The following SYNPR variants were observed in gnomAD, a reference collection of about 807,000 sequenced individuals.
SYNPR encodes synaptoporin.
Under a neutral mutation model 32.9 loss-of-function variants are expected in SYNPR, and 23 were observed. The observed-to-expected ratio is 0.70, with a 90% CI of 0.50 to 0.99. The LOEUF (loss-of-function observed/expected upper bound fraction) is 0.99. Ranked by LOEUF, SYNPR falls within the 50% of genes least tolerant of loss-of-function variation. The pLI is 0.00. For synonymous variants in SYNPR, 146 were observed against 135.9 expected, an observed-to-expected ratio of 1.07 and a Z score of -0.52; for missense variants, 318 against 349.3, an observed-to-expected ratio of 0.91 and a Z score of 0.71.
intron 4 of SYNPR, among the ~76,000 whole-genome samples, chr3:63,588,819 C>G (rs543028432): frequency 6.6e-6 from 1 of 152,198 alleles, no homozygotes; most frequent in East Asian, 1.9e-4. Context: ...ATTGTGTGAA[C>G]TGATCCACCC....
At chr3:63,546,476 G>T (rs1378761307) in intron 3 of SYNPR, among the ~76,000 whole-genome samples, 1 of 152,028 alleles carries the variant, frequency 6.6e-6, no homozygotes, top group Non-Finnish European at 1.5e-5. Context: ...ACATGGAAAT[G>T]GGAGCTACAT....
chr3:63,266,149 AGG>A (rs1170640832), intron 2 of SYNPR, among the ~76,000 whole-genome samples: 1 of 152,248 alleles, frequency 6.6e-6, no homozygotes, highest in Non-Finnish European at 1.5e-5. Context: ...CTGATGTGAA[AGG>A]GAAACAAACC....
intron 2 of SYNPR, among the ~76,000 whole-genome samples, chr3:63,344,562 T>C (rs1161815724): frequency 2.0e-5 from 3 of 150,458 alleles, no homozygotes; most frequent in African/African-American, 7.3e-5. Flanking sequence ...TTTTTTTTTT[T>C]TTTTTTTTTA....
chr3:63,588,727 TC>T (rs1277674810), intron 4 of SYNPR, among the ~76,000 whole-genome samples: 1 of 152,108 alleles, frequency 6.6e-6, no homozygotes. Flanking sequence ...TCAACAACCC[TC>T]GTTGCTTTCC....
intron 3 of SYNPR, among the ~76,000 whole-genome samples, chr3:63,517,292 C>A (rs58819808): frequency 1.3e-5 from 2 of 152,006 alleles, no homozygotes; most frequent in Admixed American, 1.3e-4. Context: ...GATACTAATG[C>A]TTGAGATTCA....
At chr3:63,263,142 C>T (rs1311890309) in intron 2 of SYNPR, among the ~76,000 whole-genome samples, 1 of 152,162 alleles carries the variant, frequency 6.6e-6, no homozygotes, top group Non-Finnish European at 1.5e-5. Flanking sequence ...GCCAAATATG[C>T]AGTCCTTTTT....
At chr3:63,596,028 G>T (rs1699954597) in intron 4 of SYNPR, among the ~76,000 whole-genome samples, 1 of 140,374 alleles carries the variant, frequency 7.1e-6, no homozygotes, top group East Asian at 2.1e-4. Context: ...AAGTTATAGG[G>T]TACATGTGCA....
At chr3:63,307,057 A>G (rs2086916574) in intron 2 of SYNPR, among the ~76,000 whole-genome samples, 1 of 152,070 alleles carries the variant, frequency 6.6e-6, no homozygotes, top group Non-Finnish European at 1.5e-5. Context: ...AGTTTTCTCA[A>G]TATACTCATG....
At chr3:63,328,327 G>C (rs1287239108) in intron 2 of SYNPR, among the ~76,000 whole-genome samples, 1 of 152,144 alleles carries the variant, frequency 6.6e-6, no homozygotes, top group African/African-American at 2.4e-5. Context: ...TATTCAGGCT[G>C]CACATTTCCC....
At chr3:63,425,940 G>T (rs988560597) in intron 2 of SYNPR, among the ~76,000 whole-genome samples, 7 of 151,804 alleles carry the variant, frequency 4.6e-5, no homozygotes, top group Admixed American at 3.9e-4. Flanking sequence ...GCGCCACCAC[G>T]CCCAGCTAAT....
At chr3:63,399,288 G>T (rs1211685449) in intron 2 of SYNPR, among the ~76,000 whole-genome samples, 1 of 152,204 alleles carries the variant, frequency 6.6e-6, no homozygotes, top group Non-Finnish European at 1.5e-5. Context: ...TGAGTAGCTT[G>T]TAGACAGAGA....
chr3:63,438,800 A>G (rs1165523666), intron 2 of SYNPR, among the ~76,000 whole-genome samples: 1 of 152,244 alleles, frequency 6.6e-6, no homozygotes, highest in Non-Finnish European at 1.5e-5. Flanking sequence ...AAGTGCTCTC[A>G]CTGCTATAGC....
chr3:63,271,692 A>G (rs2086536403), intron 3 of SYNPR, among the ~76,000 whole-genome samples: 2 of 152,110 alleles, frequency 1.3e-5, no homozygotes, highest in African/African-American at 4.8e-5. Flanking sequence ...TCATTTTAAG[A>G]AAAGCATAAA....
chr3:63,425,297 T>C (rs1167570505), intron 2 of SYNPR, among the ~76,000 whole-genome samples: 4 of 152,192 alleles, frequency 2.6e-5, no homozygotes, highest in Admixed American at 2.6e-4. Flanking sequence ...AGCTGATTGG[T>C]GGTATACAGT....
At chr3:63,318,220 T>G (rs368373315) in intron 2 of SYNPR, among the ~76,000 whole-genome samples, 38 of 152,174 alleles carry the variant, frequency 2.5e-4, no homozygotes, top group African/African-American at 8.4e-4. Flanking sequence ...GATAACCTGA[T>G]GACAATGTGC....
chr3:63,498,779 G>A (rs1701421489), intron 3 of SYNPR, among the ~76,000 whole-genome samples: 1 of 152,030 alleles, frequency 6.6e-6, no homozygotes, highest in East Asian at 1.9e-4. Flanking sequence ...GATAAGGCGT[G>A]TGAATTTTTT....
chr3:63,481,857 C>A (rs947006033), intron 3 of SYNPR, among the ~76,000 whole-genome samples: 2 of 151,970 alleles, frequency 1.3e-5, no homozygotes, highest in African/African-American at 4.8e-5. Flanking sequence ...TGCCAATGGC[C>A]GGGCAGCGGG....
intron 2 of SYNPR, among the ~76,000 whole-genome samples, chr3:63,369,569 T>G (rs2087770429): frequency 6.6e-6 from 1 of 152,220 alleles, no homozygotes. Flanking sequence ...GTTTTCCCAC[T>G]GGATGCACCA....
At chr3:63,519,069 AT>A (rs1701855309) in intron 3 of SYNPR, among the ~76,000 whole-genome samples, 1 of 152,108 alleles carries the variant, frequency 6.6e-6, no homozygotes, top group Non-Finnish European at 1.5e-5. Context: ...ACATTTATTG[AT>A]TTGCATATGT....
Sources: allele counts gnomAD v4.1 joint callset (sites outside exome capture counted in the v4.1 genomes callset), GRCh38; gene constraint gnomAD v4.1.1; transcripts MANE v1.5; gene names NCBI Gene and HGNC (gene_info 2026-07-23, HGNC 2026-07-21).